Variants in GABRG3 observed in about 807,000 individuals in gnomAD.
GABRG3 encodes the protein gamma-aminobutyric acid type A receptor subunit gamma3.
GABRG3 carries 25 observed loss-of-function variants against 48.8 expected under a neutral mutation model. That is an observed-to-expected ratio of 0.51 (90% CI 0.37 to 0.72). GABRG3 has a LOEUF of 0.72. Ranked by LOEUF, GABRG3 falls within the 30% of genes least tolerant of loss-of-function variation. The pLI, the probability that GABRG3 is intolerant of heterozygous loss-of-function variation, is 0.00. For missense variants in GABRG3, 394 were observed against 577.9 expected (o/e 0.68, Z 3.26); for synonymous variants, 227 against 217.6 (o/e 1.04, Z -0.38).
intron 5 of GABRG3, among the ~76,000 whole-genome samples, chr15:27,478,133 T>C (rs1476507966): frequency 6.6e-6 from 1 of 151,920 alleles, no homozygotes; most frequent in Non-Finnish European, 1.5e-5. Context: ...CGCCAAATTG[T>C]GCCCTCAAAA....
At chr15:27,503,557 C>G (rs1890692876) in intron 6 of GABRG3, among the ~76,000 whole-genome samples, 1 of 151,912 alleles carries the variant, frequency 6.6e-6, no homozygotes, top group African/African-American at 2.4e-5. Context: ...GGAGATTTGT[C>G]CAAGTTATTG....
chr15:27,434,822 A>G (rs2140626481), intron 5 of GABRG3, among the ~76,000 whole-genome samples: 1 of 152,306 alleles, frequency 6.6e-6, no homozygotes, highest in Admixed American at 6.5e-5. Flanking sequence ...TAACAGGAGA[A>G]AAGGTATCTT....
chr15:27,089,576 G>T (rs993821244), intron 3 of GABRG3, among the ~76,000 whole-genome samples: 4 of 152,186 alleles, frequency 2.6e-5, no homozygotes, highest in Non-Finnish European at 5.9e-5. Flanking sequence ...TCTACCGTGT[G>T]TGACCATAGT....
rs777326174 is a variant in GABRG3, at chr15:26,977,082, C to A, written c.134C>A (p.Thr45Asn). 4.8e-5 allele frequency: 77 copies of A among 1,613,712 alleles called. No individual in the cohort carries two copies. In the East Asian group the frequency reaches 1.7e-3, roughly 36 times the overall value. ...KWVLAPKSQD[T>N]DVTLILNKLL... ...GTCTTGGCTCCAAAATCCCAAGACA[C>A]CGACGTGACTCTTATTCTCAACAAG... The change falls in exon 2 of 10, where the codon ACC becomes AAC. Residue 45 changes from threonine (T) to asparagine (N), a missense_variant. Thr to Asn is a moderately conservative substitution (Grantham distance 65). Around this residue, in one of 3 missense-constraint regions of GABRG3, gnomAD observed 218 missense variants for 309.9 expected, o/e 0.70. Transcript: ENST00000615808.
At chr15:27,216,277 C>T (rs993514859) in intron 3 of GABRG3, among the ~76,000 whole-genome samples, 1 of 152,090 alleles carries the variant, frequency 6.6e-6, no homozygotes, top group African/African-American at 2.4e-5. Context: ...AATTGATGAG[C>T]GAAGGTGAAG....
chr15:27,404,631 A>C (rs755481618), intron 5 of GABRG3, among the ~76,000 whole-genome samples: 1 of 152,166 alleles, frequency 6.6e-6, no homozygotes, highest in Non-Finnish European at 1.5e-5. Context: ...CAGGGGTAGC[A>C]GTGGGCGTTC....
rs146596585 is a variant in GABRG3, at chr15:27,498,802, G to A, written c.712+18015G>A. ...ATTACAGGTGTGAGCCACCACGCCCGGCCAGATGTGGGTTCATCTTTGACT... is the reference window on the plus strand; with the variant it reads ...ATTACAGGTGTGAGCCACCACGCCCAGCCAGATGTGGGTTCATCTTTGACT... On this transcript the variant is annotated intron_variant, in intron 6 of 9. Coordinates refer to ENST00000615808, the MANE Select transcript of GABRG3 (RefSeq NM_033223.5). 8.4e-4 allele frequency among the ~76,000 whole-genome samples: 127 copies of A among 152,042 alleles called. 1 individual carries two copies. The highest frequency in any genetic ancestry group is 2.8e-3 in the African/African-American group (117 of 41,492).
At chr15:27,346,757 G>A (rs1418306485) in intron 5 of GABRG3, among the ~76,000 whole-genome samples, 4 of 151,708 alleles carry the variant, frequency 2.6e-5, no homozygotes, top group Admixed American at 1.3e-4. Flanking sequence ...CATCATTTCC[G>A]TTACAGAGTT....
At chr15:27,313,260 GTGTATATATATATATATATATATATA>G (rs1290490571) in intron 3 of GABRG3, among the ~76,000 whole-genome samples, 5 of 49,560 alleles carry the variant, frequency 1.0e-4, no homozygotes, top group African/African-American at 2.7e-4. Context: ...GTGTGTGTGT[GTGTATATATATATATATATATATATA>G]TATATATATA....
rs540127493 is a variant in GABRG3 at position 27,352,140 on chromosome 15, G to A, written c.574+23252G>A. Among the ~76,000 whole-genome samples, 1 of 147,620 alleles carries A rather than the reference G, an allele frequency of 6.8e-6. No homozygotes were observed. Among genetic ancestry groups the A allele is most frequent in the African/African-American group, 2.6e-5 (1 of 38,916 alleles). On this transcript the variant is annotated intron_variant, in intron 5 of 9. Coordinates refer to ENST00000615808, the MANE Select transcript of GABRG3 (RefSeq NM_033223.5). This position sits in a 1 kb window ranked among gnomAD's most constrained non-coding sequence, Gnocchi z 4.0. ...TGTGTGTATGTATGATGTGTGTATT[G>A]TGTGTTTGTGTATGGTGTGTGTGTT... is the stretch of plus-strand genomic sequence containing the variant.
intron 3 of GABRG3, among the ~76,000 whole-genome samples, chr15:27,324,310 T>G (rs1367692452): frequency 6.6e-6 from 1 of 152,088 alleles, no homozygotes; most frequent in Non-Finnish European, 1.5e-5. Context: ...CTATCTGATC[T>G]CCCTCCTGCC....
At chr15:27,287,495 G>A (rs189631055) in intron 3 of GABRG3, among the ~76,000 whole-genome samples, 1 of 152,238 alleles carries the variant, frequency 6.6e-6, no homozygotes, top group African/African-American at 2.4e-5. Flanking sequence ...ATATCTTCCT[G>A]AAAGAAATGA....
chr15:27,447,725 A>G lies in GABRG3; in HGVS notation c.575-32925A>G, dbSNP rs1239079775. ...AGAGACATGGATGACACTGGAAACC[A>G]TCATTCTCAGCAGACTAATACAAGA... On this transcript the variant is annotated intron_variant, in intron 5 of 9. Transcript: ENST00000615808. This position sits in a 1 kb window ranked among gnomAD's most constrained non-coding sequence, Gnocchi z 4.0. 2.0e-5 allele frequency among the ~76,000 whole-genome samples: 3 copies of G among 152,226 alleles called. 1 individual carries two copies. Among genetic ancestry groups the G allele is most frequent in the Non-Finnish European group, 4.4e-5 (3 of 68,048 alleles).
intron 3 of GABRG3, among the ~76,000 whole-genome samples, chr15:27,139,105 A>C (rs1235425687): frequency 6.6e-6 from 1 of 152,102 alleles, no homozygotes; most frequent in Non-Finnish European, 1.5e-5. Flanking sequence ...GGTTCACAGG[A>C]TTATGGAGGC....
intron 5 of GABRG3, among the ~76,000 whole-genome samples, chr15:27,427,207 A>G (rs1051987585): frequency 2.0e-5 from 3 of 152,344 alleles, no homozygotes; most frequent in Non-Finnish European, 4.4e-5. Flanking sequence ...TTAATGTGCA[A>G]TAATTTTAAA....
At chr15:27,232,488 C>T (rs1889829759) in intron 3 of GABRG3, among the ~76,000 whole-genome samples, 1 of 152,126 alleles carries the variant, frequency 6.6e-6, no homozygotes, top group Non-Finnish European at 1.5e-5. Context: ...TAGCATGTGG[C>T]CAACTCACTG....
At chr15:27,220,304 A>C (rs547111418) in intron 3 of GABRG3, among the ~76,000 whole-genome samples, 1 of 152,326 alleles carries the variant, frequency 6.6e-6, no homozygotes, top group Non-Finnish European at 1.5e-5. Context: ...AAGGAACCAA[A>C]GCTTTGTCTA....
chr15:27,402,816 C>G (rs141129929), intron 5 of GABRG3, among the ~76,000 whole-genome samples: 1 of 152,138 alleles, frequency 6.6e-6, no homozygotes, highest in Admixed American at 6.5e-5. Flanking sequence ...AGGAGGAGAG[C>G]AAGAAATAAA....
chr15:27,143,965 T>C (rs1380558876), intron 3 of GABRG3, among the ~76,000 whole-genome samples: 1 of 152,186 alleles, frequency 6.6e-6, no homozygotes, highest in Non-Finnish European at 1.5e-5. Flanking sequence ...CAATATTTTG[T>C]TACTTTTTGG....
Sources: gnomAD v4.1 joint callset for allele counts (sites outside exome capture counted in the v4.1 genomes callset) on GRCh38, gnomAD v4.1.1 for gene constraint, gnomAD v4.1.1 regional missense constraint, Gnocchi (gnomAD v3.1) non-coding constraint, MANE v1.5 for transcripts, NCBI Gene and HGNC (gene_info 2026-07-23, HGNC 2026-07-21) for gene names.